Variants in ANKFN1 observed in about 807,000 individuals in gnomAD.
ANKFN1 encodes ankyrin repeat and fibronectin type III domain containing 1.
ANKFN1 carries 74 observed loss-of-function variants against 108.7 expected under a neutral mutation model. The observed-to-expected ratio is 0.68, with a 90% CI of 0.56 to 0.83. ANKFN1 has a LOEUF of 0.83. Ranked by LOEUF, ANKFN1 falls within the 40% of genes least tolerant of loss-of-function variation. ANKFN1 has a pLI of 0.00. For synonymous variants in ANKFN1, 547 were observed against 516.2 expected (o/e 1.06, Z -0.81); for missense variants, 1,505 against 1,382.3 (o/e 1.09, Z -1.41).
chr17:56,154,530 C>G (rs1908906415), intron 1 of ANKFN1, among the ~76,000 whole-genome samples: 1 of 151,918 alleles, frequency 6.6e-6, no homozygotes, highest in Admixed American at 6.6e-5. Context: ...AAAATCACAT[C>G]CAGAGTGAGG....
At chr17:56,232,396 T>C (rs1030000062) in intron 3 of ANKFN1, among the ~76,000 whole-genome samples, 1 of 152,132 alleles carries the variant, frequency 6.6e-6, no homozygotes, top group Admixed American at 6.6e-5. Context: ...AAAATTTTAA[T>C]AGCACTTTAG....
Position 56,510,800 on chromosome 17 carries a change from G to A in ANKFN1, c.2972G>A (p.Arg991Gln), listed in dbSNP as rs865972750. The A allele has an allele frequency of 2.6e-6, 4 of 1,536,008 alleles. No individual in the cohort carries two copies. Among genetic ancestry groups the A allele is most frequent in the African/African-American group, 2.7e-5 (2 of 73,058 alleles). Residue 991 changes from arginine (R) to glutamine (Q), a missense_variant, in exon 21 of 21, where the codon CGG becomes CAG. Coordinates refer to ENST00000682825, the MANE Select transcript of ANKFN1 (RefSeq NM_001370326.1). ...KNHAKTVSGG[R>Q]PPLGFLGKRK... The stretch of plus-strand genomic sequence containing the variant: ...CACGCCAAGACTGTGTCCGGTGGGC[G>A]GCCCCCGCTAGGCTTCCTGGGAAAG...
At chr17:56,396,379 C>T (rs143290419) in intron 8 of ANKFN1, among the ~76,000 whole-genome samples, 2,189 of 152,148 alleles carry the variant, frequency 0.014, 45 homozygotes, top group African/African-American at 0.05. Flanking sequence ...GCCCAGGAGG[C>T]GGAGGTTGCA....
intron 1 of ANKFN1, among the ~76,000 whole-genome samples, chr17:56,179,662 C>T (rs1406184450): frequency 6.6e-6 from 1 of 152,158 alleles, no homozygotes; most frequent in Non-Finnish European, 1.5e-5. Context: ...TGGCTTCTTG[C>T]AAACTGTGTG....
At chr17:56,129,762 T>A (rs538674875) in intron 4 of ANKFN1, among the ~76,000 whole-genome samples, 49 of 152,314 alleles carry the variant, frequency 3.2e-4, no homozygotes, top group Non-Finnish European at 6.0e-4. Context: ...AGCAGCCTGT[T>A]TGGGTAAGGA....
intron 1 of ANKFN1, among the ~76,000 whole-genome samples, chr17:56,205,589 G>A (rs1010058592): frequency 6.6e-5 from 10 of 152,132 alleles, no homozygotes; most frequent in African/African-American, 2.4e-4. Context: ...TTTTGGCAGT[G>A]TGTTTATATT....
intron 4 of ANKFN1, among the ~76,000 whole-genome samples, chr17:56,341,821 G>C (rs2045967104): frequency 6.6e-6 from 1 of 151,720 alleles, no homozygotes; most frequent in African/African-American, 2.4e-5. Flanking sequence ...TGGCCTCATA[G>C]AATCAGTTAG....
At chr17:56,329,160 C>T (rs2045597417) in intron 4 of ANKFN1, among the ~76,000 whole-genome samples, 1 of 152,134 alleles carries the variant, frequency 6.6e-6, no homozygotes, top group South Asian at 2.1e-4. Flanking sequence ...GTCTATGATT[C>T]TTATCATGGC....
At chr17:56,474,503 T>A (rs147539172) in intron 15 of ANKFN1, among the ~76,000 whole-genome samples, 32 of 152,310 alleles carry the variant, frequency 2.1e-4, no homozygotes, top group African/African-American at 7.5e-4. Context: ...TAAAGATCAA[T>A]AAGTTGGTGG....
intron 15 of ANKFN1, among the ~76,000 whole-genome samples, chr17:56,467,659 G>T (rs532241682): frequency 1.4e-5 from 2 of 143,050 alleles, no homozygotes; most frequent in Non-Finnish European, 1.5e-5. Flanking sequence ...CCTGGGTGAC[G>T]GAGTGAGAAT....
At chr17:56,453,262 A>G (rs2049556351) in intron 11 of ANKFN1, among the ~76,000 whole-genome samples, 1 of 151,604 alleles carries the variant, frequency 6.6e-6, no homozygotes, top group South Asian at 2.1e-4. Flanking sequence ...ATCTCTTAAT[A>G]TATGTATATT....
At chr17:56,382,605 A>G (rs1405069682) in intron 8 of ANKFN1, among the ~76,000 whole-genome samples, 2 of 152,238 alleles carry the variant, frequency 1.3e-5, no homozygotes, top group African/African-American at 2.4e-5. Context: ...AGAGACACAC[A>G]TAGGCTCAAA....
intron 4 of ANKFN1, among the ~76,000 whole-genome samples, chr17:56,328,958 C>T (rs749554577): frequency 2.6e-5 from 4 of 152,138 alleles, no homozygotes; most frequent in Non-Finnish European, 5.9e-5. Flanking sequence ...TTGCCACAAG[C>T]TTTAGTTGAA....
At chr17:56,058,826 G>A (rs1399792919) in intron 4 of ANKFN1, among the ~76,000 whole-genome samples, 4 of 152,164 alleles carry the variant, frequency 2.6e-5, no homozygotes. Flanking sequence ...TCTTTACCCA[G>A]TCTATCATTG....
At chr17:56,069,211 A>G (rs906428097) in intron 4 of ANKFN1, among the ~76,000 whole-genome samples, 2 of 152,212 alleles carry the variant, frequency 1.3e-5, no homozygotes, top group African/African-American at 2.4e-5. Context: ...TTCATATATA[A>G]TAAAACTTTT....
chr17:56,469,583 T>A (rs1297338566), intron 15 of ANKFN1, among the ~76,000 whole-genome samples: 1 of 152,076 alleles, frequency 6.6e-6, no homozygotes, highest in African/African-American at 2.4e-5. Flanking sequence ...TGGGTGTGAA[T>A]ACCGACTCCA....
chr17:56,391,366 A>ATG (rs1161608458), intron 8 of ANKFN1, among the ~76,000 whole-genome samples: 47 of 77,526 alleles, frequency 6.1e-4, no homozygotes, highest in African/African-American at 2.7e-3. Flanking sequence ...ATACATATAT[A>ATG]TATGTGTGTG....
chr17:56,451,446 AT>A (rs563339910), intron 11 of ANKFN1, among the ~76,000 whole-genome samples: 18 of 152,204 alleles, frequency 1.2e-4, no homozygotes, highest in African/African-American at 3.4e-4. Flanking sequence ...AGAATTACAA[AT>A]TTTTTTTATT....
chr17:56,169,880 T>C (rs1598172833), intron 1 of ANKFN1, among the ~76,000 whole-genome samples: 1 of 152,200 alleles, frequency 6.6e-6, no homozygotes, highest in Non-Finnish European at 1.5e-5. Context: ...CTAAGGCTGC[T>C]CTTTGTAATC....
Sources: allele counts gnomAD v4.1 joint callset (sites outside exome capture counted in the v4.1 genomes callset), GRCh38; gene constraint gnomAD v4.1.1; transcripts MANE v1.5; gene names NCBI Gene and HGNC (gene_info 2026-07-23, HGNC 2026-07-21).